POTEC: variants seen among roughly 807,000 people sequenced by gnomAD.
POTEC encodes POTE ankyrin domain family member C.
A neutral mutation model predicts 62.0 loss-of-function variants in POTEC; 35 were observed. The observed-to-expected ratio is 0.56, with a 90% CI of 0.43 to 0.75. POTEC has a LOEUF of 0.75. POTEC is among the 30% of genes least tolerant of loss of function. POTEC has a pLI of 0.00. For synonymous variants in POTEC, 156 were observed against 221.5 expected, an observed-to-expected ratio of 0.70 and a Z score of 2.62; for missense variants, 472 against 655.9, an observed-to-expected ratio of 0.72 and a Z score of 3.06.
chr18:14,533,876 T>C (rs1470674888), intron 4 of POTEC, among the ~76,000 whole-genome samples: 1 of 70,772 alleles, frequency 1.4e-5, no homozygotes, highest in Non-Finnish European at 3.1e-5. Context: ...TTTCTCTCTC[T>C]TTTTTTTTTT....
At position 14,507,731 on chromosome 18, in the gene POTEC, A is replaced by G. The variant is rs1909883708; in HGVS notation, c.*4167T>C. 6.6e-6 allele frequency: 1 copy of G among 152,008 alleles called. No homozygotes were observed. Among genetic ancestry groups the G allele is most frequent in the Non-Finnish European group, 1.5e-5 (1 of 68,014 alleles). 9.4% of individuals were successfully genotyped at this position (152,008 alleles called of 1,614,324 possible). A position where few individuals can be genotyped will look rare whatever the true frequency, so the allele number is the denominator to read the frequency against. On this transcript the variant is annotated 3_prime_UTR_variant, in exon 11 of 11. Coordinates refer to ENST00000358970, the MANE Select transcript of POTEC (RefSeq NM_001137671.2). The stretch of plus-strand genomic sequence containing the variant: ...TGGCTGGTGGTGGTCTTTTCTTTCC[A>G]TATTTAGTGCTTCCTTCAGGAGCTC...
intron 1 of POTEC, 55 bp downstream of exon 1, chr18:14,542,571 G>C: frequency 1.2e-6 from 2 of 1,610,678 alleles, no homozygotes; most frequent in African/African-American, 1.3e-5. Flanking sequence ...CGCCAGGAGG[G>C]TATGTCCCCA....
intron 9 of POTEC, among the ~76,000 whole-genome samples, chr18:14,520,340 C>A (rs1456606680): frequency 6.6e-6 from 1 of 150,720 alleles, no homozygotes; most frequent in Non-Finnish European, 1.5e-5. Flanking sequence ...TTGACCATTT[C>A]TAGATTACAG....
chr18:14,535,566 T>C (rs2143158371), intron 3 of POTEC, among the ~76,000 whole-genome samples: 1 of 151,606 alleles, frequency 6.6e-6, no homozygotes, highest in African/African-American at 2.4e-5. Context: ...AGATAGATAA[T>C]CAGTTCATAG....
Position 14,542,990 on chromosome 18 carries a change from A to G in POTEC, c.157T>C (p.Phe53Leu). The part of the protein sequence containing the change: ...MGTSGDHDDS[F>L]MKMLRSKMGK... ...ATCTTGCTCCTGAGCATCTTCATAA[A>G]GGAGTCGTCGTGGTCTCCAGAAGTG... The change falls in exon 1 of 11, where the codon TTT (phenylalanine) becomes CTT (leucine). Residue 53 changes from phenylalanine (F) to leucine (L), a missense_variant. Coordinates refer to ENST00000358970, the MANE Select transcript of POTEC (RefSeq NM_001137671.2). The G allele has an allele frequency of 6.2e-7, 1 of 1,609,692 alleles. No individual in the cohort carries two copies. The highest frequency in any genetic ancestry group is 8.5e-7 in the Non-Finnish European group (1 of 1,178,714).
intron 1 of POTEC, among the ~76,000 whole-genome samples, chr18:14,539,844 C>T (rs931830104): frequency 9.2e-5 from 14 of 152,162 alleles, no homozygotes; most frequent in South Asian, 4.1e-4. Context: ...CTTGCTCAGG[C>T]GCAGCAGGTA....
intron 2 of POTEC, 55 bp from the exon 3 acceptor site, chr18:14,538,029 T>C (rs1905806761): frequency 6.3e-7 from 1 of 1,597,774 alleles, no homozygotes; most frequent in African/African-American, 1.4e-5. Context: ...CAAAATAACA[T>C]TCCACAGCTT....
chr18:14,516,375 CTTAA>C (rs999753220), intron 9 of POTEC, among the ~76,000 whole-genome samples: 5 of 98,328 alleles, frequency 5.1e-5, no homozygotes, highest in African/African-American at 2.2e-4. Flanking sequence ...AGGAAAGAGG[CTTAA>C]TTGATTCACA....
At chr18:14,531,687 A>G (rs1210512442) in intron 5 of POTEC, 2 of 151,896 alleles carry the variant, frequency 1.3e-5, no homozygotes, top group Non-Finnish European at 2.9e-5. Context: ...AAAATATGGA[A>G]TGCTTCAAAG....
At chr18:14,541,942 A>T (rs1905947417) in intron 1 of POTEC, among the ~76,000 whole-genome samples, 1 of 152,252 alleles carries the variant, frequency 6.6e-6, no homozygotes. Context: ...AATTTGTGGA[A>T]ATAACACATG....
At chr18:14,512,345 C>A (rs1266772851) in intron 10 of POTEC, among the ~76,000 whole-genome samples, 1 of 152,166 alleles carries the variant, frequency 6.6e-6, no homozygotes, top group Non-Finnish European at 1.5e-5. Flanking sequence ...AACCTATAAA[C>A]CACACCATCA....
rs1307698593 is a variant in POTEC, at chr18:14,507,997, T to C, written c.*3901A>G. ...CCTTTCTCCCTAGCTGCCTTTAACA[T>C]TTTTTCTTTTATTTTGACCTCAGAG... On this transcript the variant is annotated 3_prime_UTR_variant, in exon 11 of 11. Transcript: ENST00000358970. The C allele has an allele frequency of 6.6e-6, 1 of 152,226 alleles. No homozygotes were observed. Among genetic ancestry groups the C allele is most frequent in the African/African-American group, 2.4e-5 (1 of 41,458 alleles). The allele number at this position is 152,226 out of a possible 1,614,324, so 9.4% of individuals were successfully genotyped here.
In POTEC at chr18:14,507,540, C is replaced by T. The variant is rs1909877882; in HGVS notation, c.*4358G>A. 6.6e-6 allele frequency: 1 copy of T among 151,278 alleles called. No individual in the cohort carries two copies. The highest frequency in any genetic ancestry group is 1.5e-5 in the Non-Finnish European group (1 of 67,998). 9.4% of individuals were successfully genotyped at this position (151,278 alleles called of 1,614,324 possible). A position where few individuals can be genotyped will look rare whatever the true frequency, so the allele number is the denominator to read the frequency against. ...GTCTTGGTTCTTTATCCAGCTTGCC[C>T]CCTGTGTCTTTCAATTGGAGCATTT... is the stretch of plus-strand genomic sequence containing the variant. On this transcript the variant is annotated 3_prime_UTR_variant, in exon 11 of 11. Transcript: ENST00000358970.
rs1463596784 is a variant in POTEC, at chr18:14,508,205, CA to C, written c.*3692del. 6.6e-6 allele frequency: 1 copy of C among 152,316 alleles called. No individual in the cohort carries two copies. Among genetic ancestry groups the C allele is most frequent in the Non-Finnish European group, 1.5e-5 (1 of 68,032 alleles). The allele number at this position is 152,316 out of a possible 1,614,324, so 9.4% of individuals were successfully genotyped here. ...CCTCATCTCTTTCAGGTACATTAAT[CA>C]GTCATAGATTTGGTCGTTTATATAA... On this transcript the variant is annotated 3_prime_UTR_variant, in exon 11 of 11. Coordinates refer to ENST00000358970, the MANE Select transcript of POTEC (RefSeq NM_001137671.2).
intron 6 of POTEC, among the ~76,000 whole-genome samples, chr18:14,529,647 T>C (rs2077371385): frequency 6.6e-6 from 1 of 152,208 alleles, no homozygotes; most frequent in South Asian, 2.1e-4. Context: ...GTGGGCAATT[T>C]GTATATTTAT....
intron 9 of POTEC, among the ~76,000 whole-genome samples, chr18:14,517,433 C>T (rs1264912825): frequency 1.3e-5 from 2 of 152,178 alleles, no homozygotes; most frequent in African/African-American, 4.8e-5. Context: ...CAGTGCCTGA[C>T]CAGTATTCCT....
intron 6 of POTEC, among the ~76,000 whole-genome samples, chr18:14,529,410 CTA>C (rs774828103): frequency 1.3e-5 from 2 of 150,446 alleles, no homozygotes; most frequent in Admixed American, 6.6e-5. Context: ...GACAGCTCTA[CTA>C]TGAGCACCTT....
At chr18:14,522,021 A>G (rs1046622572) in intron 9 of POTEC, among the ~76,000 whole-genome samples, 1 of 152,190 alleles carries the variant, frequency 6.6e-6, no homozygotes, top group African/African-American at 2.4e-5. Flanking sequence ...TTCATTAAAA[A>G]GAAAAGAAAA....
intron 7 of POTEC, 106 bp downstream of exon 7, chr18:14,524,807 A>G (rs1412785340): frequency 1.7e-5 from 21 of 1,235,310 alleles, no homozygotes; most frequent in Non-Finnish European, 2.1e-5. Flanking sequence ...GAATCTATTG[A>G]TTCTTAAAAC....
Sources: gnomAD v4.1 joint callset for allele counts (sites outside exome capture counted in the v4.1 genomes callset) on GRCh38, gnomAD v4.1.1 for gene constraint, MANE v1.5 for transcripts, NCBI Gene and HGNC (gene_info 2026-07-23, HGNC 2026-07-21) for gene names.